LRP1B: variants seen among roughly 807,000 people sequenced by gnomAD.
The protein encoded by LRP1B is low-density lipoprotein receptor-related protein 1B.
LRP1B carries 217 observed loss-of-function variants against 556.6 expected under a neutral mutation model. The ratio of observed to expected loss-of-function variants is 0.39; its 90% confidence interval spans 0.35 to 0.44. The LOEUF (loss-of-function observed/expected upper bound fraction) is 0.44, where lower values mean the gene tolerates loss of function less well. Ranked by LOEUF, LRP1B falls within the 20% of genes least tolerant of loss-of-function variation. The pLI is 1.00. For missense variants in LRP1B, 5,053 were observed against 5,620.8 expected, an observed-to-expected ratio of 0.90 and a Z score of 3.23; for synonymous variants, 2,047 against 1,865.8, an observed-to-expected ratio of 1.10 and a Z score of -2.50.
chr2:141,775,797 T>G (rs16847141), intron 2 of LRP1B, among the ~76,000 whole-genome samples: 14 of 151,416 alleles, frequency 9.2e-5, no homozygotes, highest in Non-Finnish European at 1.9e-4. Flanking sequence ...AATATAGAAT[T>G]GAGATACTGA....
intron 2 of LRP1B, among the ~76,000 whole-genome samples, chr2:141,679,472 T>C (rs1386109106): frequency 6.6e-6 from 1 of 152,304 alleles, no homozygotes; most frequent in East Asian, 1.9e-4. Flanking sequence ...TTTAAGTATA[T>C]GGAAAATAAA....
chr2:140,525,683 G>A (rs917926708), intron 49 of LRP1B, among the ~76,000 whole-genome samples, 161 bp downstream of exon 49: 5 of 151,764 alleles, frequency 3.3e-5, no homozygotes, highest in African/African-American at 7.3e-5. Context: ...AAGATCAAGC[G>A]GTATGTTTAG....
chr2:140,983,550 T>C (rs965362932), intron 17 of LRP1B, among the ~76,000 whole-genome samples: 32 of 152,094 alleles, frequency 2.1e-4, no homozygotes, highest in African/African-American at 7.0e-4. Flanking sequence ...TCAGAAATCA[T>C]TGAAAATAAT....
chr2:142,067,457 T>G (rs1308953734), intron 1 of LRP1B, among the ~76,000 whole-genome samples: 5 of 151,590 alleles, frequency 3.3e-5, no homozygotes, highest in African/African-American at 9.7e-5. Context: ...TATCTGTCTT[T>G]GAGAGCAGCA....
intron 41 of LRP1B, among the ~76,000 whole-genome samples, chr2:140,669,889 T>C (rs1466957589): frequency 6.6e-6 from 1 of 152,138 alleles, no homozygotes; most frequent in African/African-American, 2.4e-5. Flanking sequence ...TTTTCATAAA[T>C]AGTATTTAGC....
intron 7 of LRP1B, among the ~76,000 whole-genome samples, chr2:141,139,370 A>G (rs1352246625): frequency 2.0e-5 from 3 of 151,928 alleles, no homozygotes; most frequent in Non-Finnish European, 4.4e-5. Flanking sequence ...CAAATATTAA[A>G]CTTTCATTTT....
chr2:141,693,871 T>C (rs985638910), intron 2 of LRP1B, among the ~76,000 whole-genome samples: 2 of 152,016 alleles, frequency 1.3e-5, no homozygotes, highest in Admixed American at 1.3e-4. Context: ...TAAAGCCTTC[T>C]AGAGTACAGA....
At chr2:140,256,042 A>G (rs1167736003) in intron 86 of LRP1B, among the ~76,000 whole-genome samples, 1 of 152,182 alleles carries the variant, frequency 6.6e-6, no homozygotes, top group Non-Finnish European at 1.5e-5. Context: ...TTACAGAGGT[A>G]TTTGCTTGAT....
chr2:140,294,237 A>T (rs147417242), intron 84 of LRP1B, among the ~76,000 whole-genome samples: 100 of 152,354 alleles, frequency 6.6e-4, no homozygotes, highest in African/African-American at 2.2e-3. Flanking sequence ...ACAGAGGAGA[A>T]AATACTAGCT....
intron 4 of LRP1B, 133 bp downstream of exon 4, chr2:141,254,389 T>G: frequency 1.1e-6 from 1 of 895,110 alleles, no homozygotes. Flanking sequence ...GGGGGGCAAC[T>G]TTTAAATCTC....
intron 68 of LRP1B, among the ~76,000 whole-genome samples, chr2:140,374,790 A>G (rs1056529096): frequency 8.5e-5 from 13 of 152,144 alleles, no homozygotes; most frequent in Non-Finnish European, 1.5e-4. Context: ...CATGATTATA[A>G]TAACTATCCA....
At chr2:141,891,032 T>C (rs968294245) in intron 1 of LRP1B, among the ~76,000 whole-genome samples, 2 of 152,138 alleles carry the variant, frequency 1.3e-5, no homozygotes, top group African/African-American at 2.4e-5. Flanking sequence ...TACTTTTTAT[T>C]TGAGTATCTC....
chr2:141,645,055 C>G (rs547337998), intron 2 of LRP1B, among the ~76,000 whole-genome samples: 19 of 151,972 alleles, frequency 1.3e-4, no homozygotes, highest in Admixed American at 6.6e-4. Flanking sequence ...GACTACTTTT[C>G]TAATAAATAT....
chr2:140,773,913 T>C lies in LRP1B; in HGVS notation c.5500+2185A>G, dbSNP rs115393845. Among the ~76,000 whole-genome samples, 604 of 152,232 alleles carry C rather than the reference T, an allele frequency of 4.0e-3. 4 individuals carry two copies. The highest frequency in any genetic ancestry group is 5.5e-3 in the Non-Finnish European group (371 of 68,004). On this transcript the variant is annotated intron_variant, in intron 33 of 90. Coordinates refer to ENST00000389484, the MANE Select transcript of LRP1B (RefSeq NM_018557.3). ...TTTAAATTTATATTATCTATCAAAT[T>C]ATAAATACTAGCTTGGCTTAATAAT...
chr2:141,570,261 ACC>A (rs1686479663), intron 2 of LRP1B, among the ~76,000 whole-genome samples: 1 of 150,966 alleles, frequency 6.6e-6, no homozygotes, highest in South Asian at 2.1e-4. Context: ...GCCTGGTGTG[ACC>A]CATGGAGAGA....
chr2:142,049,534 G>A (rs1704374006), intron 1 of LRP1B, among the ~76,000 whole-genome samples: 1 of 152,020 alleles, frequency 6.6e-6, no homozygotes, highest in South Asian at 2.1e-4. Flanking sequence ...TGCCAATACT[G>A]CGTTCTCCTT....
intron 3 of LRP1B, among the ~76,000 whole-genome samples, chr2:141,451,956 T>C (rs999461306): frequency 3.9e-5 from 6 of 152,238 alleles, no homozygotes; most frequent in Non-Finnish European, 8.8e-5. Context: ...CCAAGCTAAA[T>C]TGAATTATTT....
intron 3 of LRP1B, among the ~76,000 whole-genome samples, chr2:141,283,585 T>G (rs1397438855): frequency 2.0e-5 from 3 of 151,376 alleles, no homozygotes; most frequent in Non-Finnish European, 4.4e-5. Context: ...AGCAAAGTCC[T>G]TGAGGATGTG....
At chr2:140,368,540 T>G (rs927450663) in intron 71 of LRP1B, among the ~76,000 whole-genome samples, 4 of 151,864 alleles carry the variant, frequency 2.6e-5, no homozygotes. Context: ...CACACTTCCT[T>G]GAGGTCATAT....
Sources: gnomAD v4.1 joint callset for allele counts (sites outside exome capture counted in the v4.1 genomes callset) on GRCh38, gnomAD v4.1.1 for gene constraint, MANE v1.5 for transcripts, NCBI Gene and HGNC (gene_info 2026-07-23, HGNC 2026-07-21) for gene names.